Variants in RASSF6 observed in about 807,000 individuals in gnomAD.
The protein encoded by RASSF6 is Ras association domain family member 6.
A neutral mutation model predicts 44.0 loss-of-function variants in RASSF6; 52 were observed. The observed-to-expected ratio is 1.18, with a 90% CI of 0.95 to 1.49. The LOEUF (loss-of-function observed/expected upper bound fraction) is 1.49, where lower values mean the gene tolerates loss of function less well. RASSF6 is among the 40% of genes most tolerant of loss of function. The pLI, the probability that RASSF6 is intolerant of heterozygous loss-of-function variation, is 0.00. For missense variants in RASSF6, 464 were observed against 393.3 expected, an observed-to-expected ratio of 1.18 and a Z score of -1.52; for synonymous variants, 162 against 124.6, an observed-to-expected ratio of 1.30 and a Z score of -2.00.
At chr4:73,611,896 G>C (rs1456651878) in intron 1 of RASSF6, 67 bp from the exon 2 acceptor site, 2 of 1,141,258 alleles carry the variant, frequency 1.8e-6, no homozygotes, top group African/African-American at 3.1e-5. Context: ...TCTGATTTAA[G>C]TTGAGTGTTT....
chr4:73,580,207 A>C (rs1170276446), intron 8 of RASSF6, among the ~76,000 whole-genome samples: 4 of 151,874 alleles, frequency 2.6e-5, no homozygotes, highest in East Asian at 1.9e-4. Flanking sequence ...TGAACTCATC[A>C]TTTTTTATGG....
intron 8 of RASSF6, among the ~76,000 whole-genome samples, chr4:73,578,837 C>G (rs550528887): frequency 2.6e-4 from 40 of 152,114 alleles, no homozygotes; most frequent in African/African-American, 9.6e-4. Context: ...GTCTCAAACT[C>G]ATGACCTCAA....
chr4:73,576,030 A>G lies in RASSF6; in HGVS notation c.*205T>C. 1 of 435,724 alleles carries G rather than the reference A, an allele frequency of 2.3e-6. No individual in the cohort carries two copies. The highest frequency in any genetic ancestry group is 3.6e-5 in the East Asian group (1 of 28,054). 27.0% of individuals were successfully genotyped at this position (435,724 alleles called of 1,614,324 possible). ...TATTCAAGCTTATTTCAGTTACTGAAACTAAACTCAAACTCATTTTGTCCA... is the reference window on the plus strand; with the variant it reads ...TATTCAAGCTTATTTCAGTTACTGAGACTAAACTCAAACTCATTTTGTCCA... On this transcript the variant is annotated 3_prime_UTR_variant, in exon 11 of 11. Coordinates refer to ENST00000307439, the MANE Select transcript of RASSF6 (RefSeq NM_177532.5).
intron 8 of RASSF6, among the ~76,000 whole-genome samples, chr4:73,581,480 T>A (rs1353899026): frequency 6.6e-6 from 1 of 151,946 alleles, no homozygotes; most frequent in African/African-American, 2.4e-5. Context: ...AGAGCAACAC[T>A]CAGAAAGGAA....
chr4:73,583,748 A>G (rs1723854564), intron 6 of RASSF6, among the ~76,000 whole-genome samples: 1 of 141,634 alleles, frequency 7.1e-6, no homozygotes, highest in Non-Finnish European at 1.6e-5. Flanking sequence ...ACATAAGCTA[A>G]TGTAGACCGA....
chr4:73,617,685 C>G (rs1414208890), intron 1 of RASSF6, among the ~76,000 whole-genome samples: 1 of 152,202 alleles, frequency 6.6e-6, no homozygotes, highest in Non-Finnish European at 1.5e-5. Flanking sequence ...TCATGTTCTA[C>G]TCCTGAAAGC....
chr4:73,581,578 G>C (rs1272886540), intron 8 of RASSF6, among the ~76,000 whole-genome samples: 1 of 152,176 alleles, frequency 6.6e-6, no homozygotes, highest in Non-Finnish European at 1.5e-5. Flanking sequence ...ATAATTTAAT[G>C]TCTGGCCAAC....
intron 1 of RASSF6, among the ~76,000 whole-genome samples, chr4:73,616,800 G>A (rs1368493794): frequency 6.6e-6 from 1 of 152,138 alleles, no homozygotes; most frequent in East Asian, 1.9e-4. Context: ...TATTGTTTCA[G>A]CTTGAAGAAG....
chr4:73,608,121 G>A (rs950680893), intron 2 of RASSF6, among the ~76,000 whole-genome samples: 1 of 148,772 alleles, frequency 6.7e-6, no homozygotes, highest in Non-Finnish European at 1.5e-5. Context: ...TTTGTGTAGG[G>A]AATACAGCAT....
chr4:73,582,077 C>T, intron 7 of RASSF6, 112 bp downstream of exon 7: 1 of 667,286 alleles, frequency 1.5e-6, no homozygotes, highest in East Asian at 2.8e-5. Flanking sequence ...CAGTGCTCAA[C>T]ATCCAATTTA....
chr4:73,598,726 TA>T lies in RASSF6; in HGVS notation c.66-9del, dbSNP rs11368217. ...AAAGAATTAAGTTGTTCCCTAAAAATAAAAAAAAATTAATTACAATCAGTCT... is the reference window on the plus strand; with the variant it reads ...AAAGAATTAAGTTGTTCCCTAAAAATAAAAAAAATTAATTACAATCAGTCT... On this transcript the variant is annotated splice_polypyrimidine_tract_variant and intron_variant, in intron 2 of 10. Coordinates refer to ENST00000307439, the MANE Select transcript of RASSF6 (RefSeq NM_177532.5). 1 allele frequency: 1,105,950 copies of T among 1,111,430 alleles called. 550,406 individuals are homozygous for T. Among genetic ancestry groups the T allele is most frequent in the Non-Finnish European group, 1 (773,016 of 773,466 alleles). 68.8% of individuals were successfully genotyped at this position (1,111,430 alleles called of 1,614,324 possible).
intron 4 of RASSF6, 89 bp from the exon 5 acceptor site, chr4:73,588,023 T>A: frequency 1.3e-6 from 1 of 792,458 alleles, no homozygotes; most frequent in Non-Finnish European, 2.1e-6. Flanking sequence ...AATATAGTAA[T>A]ACTGTGGGCC....
At chr4:73,606,850 G>T (rs1725673680) in intron 2 of RASSF6, among the ~76,000 whole-genome samples, 1 of 152,106 alleles carries the variant, frequency 6.6e-6, no homozygotes, top group Non-Finnish European at 1.5e-5. Context: ...CCTATTTAAT[G>T]AAGTCTTTCA....
intron 1 of RASSF6, among the ~76,000 whole-genome samples, chr4:73,618,410 A>G (rs1032109171): frequency 3.9e-5 from 6 of 152,132 alleles, no homozygotes; most frequent in African/African-American, 1.4e-4. Context: ...AAATAAATTT[A>G]TCTCAATTGG....
Position 73,572,474 on chromosome 4 carries a change from G to T in RASSF6, c.*3761C>A, listed in dbSNP as rs1488316671. The T allele has an allele frequency of 6.6e-6, 1 of 151,934 alleles. No individual in the cohort carries two copies. The highest frequency in any genetic ancestry group is 2.4e-5 in the African/African-American group (1 of 41,348). 9.4% of individuals were successfully genotyped at this position (151,934 alleles called of 1,614,324 possible). A position where few individuals can be genotyped will look rare whatever the true frequency, so the allele number is the denominator to read the frequency against. On this transcript the variant is annotated 3_prime_UTR_variant, in exon 11 of 11. Transcript: ENST00000307439. Reference sequence around the variant, plus strand: ...TAGCTTGATTTAATAATTCCATAATGTATACATATATAATAATATAATATT... The same window carrying T: ...TAGCTTGATTTAATAATTCCATAATTTATACATATATAATAATATAATATT...
At chr4:73,610,809 T>C (rs192159778) in intron 2 of RASSF6, among the ~76,000 whole-genome samples, 2 of 152,346 alleles carry the variant, frequency 1.3e-5, no homozygotes, top group African/African-American at 2.4e-5. Context: ...CCCGACTTTA[T>C]GATGTAACTC....
At chr4:73,577,574 T>A (rs75521381) in intron 8 of RASSF6, among the ~76,000 whole-genome samples, 2 of 152,152 alleles carry the variant, frequency 1.3e-5, no homozygotes, top group Non-Finnish European at 2.9e-5. Flanking sequence ...AGTCTAGAAC[T>A]CAAAAGCCCA....
Position 73,576,597 on chromosome 4 carries a change from G to A in RASSF6, c.840+16C>T, listed in dbSNP as rs114533857. 7.9e-4 allele frequency: 1,247 copies of A among 1,587,072 alleles called. 8 individuals carry two copies. The African/African-American group carries it at 0.014, about 18-fold the overall frequency. On this transcript the variant is annotated intron_variant, in intron 9 of 10. Transcript: ENST00000307439. Reference sequence around the variant, plus strand: ...GAGGGAAGCAAAAAACAGATTCAGGGTGATGGTATTCATACATCACTGCTA... The same window carrying A: ...GAGGGAAGCAAAAAACAGATTCAGGATGATGGTATTCATACATCACTGCTA...
Position 73,593,483 on chromosome 4 carries a change from A to G in RASSF6, c.255T>C (p.Ser85=), listed in dbSNP as rs775567747. The change falls in exon 4 of 11, where the codon AGT becomes AGC. Residue 85 remains serine, a synonymous_variant. Transcript: ENST00000307439. The stretch of plus-strand genomic sequence containing the variant: ...TGGAGAAGACGTCTGATGACTTCAT[A>G]CTAGTAAAAGAAGAGAATGGCTTCT... ...QDEKPFSSFT[S]MKSSDVFSSK... 4.4e-5 allele frequency: 71 copies of G among 1,613,240 alleles called. No individual in the cohort carries two copies. Among genetic ancestry groups the G allele is most frequent in the East Asian group, 8.9e-5 (4 of 44,880 alleles).
Sources: allele counts gnomAD v4.1 joint callset (sites outside exome capture counted in the v4.1 genomes callset), GRCh38; gene constraint gnomAD v4.1.1; transcripts MANE v1.5; gene names NCBI Gene and HGNC (gene_info 2026-07-23, HGNC 2026-07-21).